LHFPL6: variants seen among roughly 807,000 people sequenced by gnomAD.
LHFPL6 encodes the protein LHFPL tetraspan subfamily member 6.
In LHFPL6, 9 loss-of-function variants were observed where a neutral mutation model predicts 20.6. That is an observed-to-expected ratio of 0.44 (90% CI 0.26 to 0.76). LHFPL6 has a LOEUF of 0.76. Ranked by LOEUF, LHFPL6 falls within the 30% of genes least tolerant of loss-of-function variation. The pLI, the probability that LHFPL6 is intolerant of heterozygous loss-of-function variation, is 0.20. For missense variants in LHFPL6, 218 were observed against 253.5 expected (o/e 0.86, Z 0.95); for synonymous variants, 105 against 98.7 (o/e 1.06, Z -0.38).
At position 39,357,970 on chromosome 13, in the gene LHFPL6, C is replaced by A. The variant is rs370323564; in HGVS notation, c.485-13916G>T. Among the ~76,000 whole-genome samples the A allele has an allele frequency of 1.2e-4, 19 of 152,246 alleles. No homozygotes were observed. The South Asian group carries it at 1.9e-3, about 15-fold the overall frequency. ...CATGCTGCTCAAAGCAATCTACCAA[C>A]TTTGTAGGTTGGTAGATACTGCTCA... On this transcript the variant is annotated intron_variant, in intron 3 of 3. Transcript: ENST00000379589.
chr13:39,348,692 T>C (rs1245132315), intron 3 of LHFPL6, among the ~76,000 whole-genome samples: 1 of 152,152 alleles, frequency 6.6e-6, no homozygotes, highest in Non-Finnish European at 1.5e-5. Flanking sequence ...TGTCAAGGGA[T>C]CTGTAAGTTT....
At chr13:39,347,464 T>A (rs1346086920) in intron 3 of LHFPL6, among the ~76,000 whole-genome samples, 1 of 152,230 alleles carries the variant, frequency 6.6e-6, no homozygotes, top group African/African-American at 2.4e-5. Flanking sequence ...GTGTCCTGTT[T>A]TGGCACTGAA....
At chr13:39,592,669 A>G (rs1204389639) in intron 2 of LHFPL6, among the ~76,000 whole-genome samples, 4 of 152,210 alleles carry the variant, frequency 2.6e-5, no homozygotes, top group African/African-American at 9.7e-5. Context: ...GACACGACAA[A>G]AAAAGAGAAT....
chr13:39,447,991 A>G (rs1872337537), intron 2 of LHFPL6, among the ~76,000 whole-genome samples: 2 of 152,044 alleles, frequency 1.3e-5, no homozygotes, highest in Admixed American at 6.6e-5. Context: ...TATTTGTGCT[A>G]CCCTCTTCCC....
intron 2 of LHFPL6, among the ~76,000 whole-genome samples, chr13:39,492,608 T>C (rs1003465069): frequency 3.9e-5 from 6 of 152,180 alleles, no homozygotes; most frequent in Admixed American, 3.3e-4. Flanking sequence ...ACATATTTTT[T>C]CCAAAAAAAG....
intron 2 of LHFPL6, among the ~76,000 whole-genome samples, chr13:39,484,317 G>A (rs1016926775): frequency 6.6e-6 from 1 of 152,104 alleles, no homozygotes; most frequent in African/African-American, 2.4e-5. Flanking sequence ...TCTATCCACT[G>A]CTCCAGTGAA....
intron 2 of LHFPL6, among the ~76,000 whole-genome samples, chr13:39,467,241 G>C (rs1872826676): frequency 6.6e-6 from 1 of 152,112 alleles, no homozygotes; most frequent in African/African-American, 2.4e-5. Context: ...TCCTGAGTCT[G>C]GGTGCCACGT....
chr13:39,597,934 A>G (rs1872816919), intron 2 of LHFPL6, among the ~76,000 whole-genome samples: 1 of 152,248 alleles, frequency 6.6e-6, no homozygotes, highest in South Asian at 2.1e-4. Flanking sequence ...TACAAACTCT[A>G]GACACAGCAG....
intron 2 of LHFPL6, among the ~76,000 whole-genome samples, chr13:39,490,219 C>T (rs1407848310): frequency 4.6e-5 from 7 of 152,104 alleles, no homozygotes; most frequent in South Asian, 2.1e-4. Flanking sequence ...CACGGAATTC[C>T]GAAACACAAG....
At chr13:39,584,727 G>T (rs987389269) in intron 2 of LHFPL6, among the ~76,000 whole-genome samples, 2 of 151,592 alleles carry the variant, frequency 1.3e-5, no homozygotes, top group Non-Finnish European at 2.9e-5. Flanking sequence ...CTTTAGATTG[G>T]GTAATGCAAA....
At chr13:39,476,770 T>C (rs1395987786) in intron 2 of LHFPL6, among the ~76,000 whole-genome samples, 1 of 152,168 alleles carries the variant, frequency 6.6e-6, no homozygotes, top group Admixed American at 6.5e-5. Flanking sequence ...ATGTACTCAA[T>C]AATCTAAAAC....
chr13:39,487,408 A>T (rs1453911658), intron 2 of LHFPL6, among the ~76,000 whole-genome samples: 1 of 152,176 alleles, frequency 6.6e-6, no homozygotes, highest in East Asian at 1.9e-4. Context: ...ACATCAAGGG[A>T]TTCCTAAGTG....
At chr13:39,410,806 C>T (rs894744175) in intron 2 of LHFPL6, among the ~76,000 whole-genome samples, 1 of 152,148 alleles carries the variant, frequency 6.6e-6, no homozygotes, top group Non-Finnish European at 1.5e-5. Context: ...GTTAACATTT[C>T]ACTACTTCCT....
chr13:39,590,460 T>A (rs551882521), intron 2 of LHFPL6, among the ~76,000 whole-genome samples: 1 of 152,258 alleles, frequency 6.6e-6, no homozygotes, highest in African/African-American at 2.4e-5. Context: ...CAGGAATTAA[T>A]GTTCCTCAGA....
At chr13:39,401,472 T>C (rs1307262378) in intron 2 of LHFPL6, among the ~76,000 whole-genome samples, 2 of 152,144 alleles carry the variant, frequency 1.3e-5, no homozygotes, top group African/African-American at 4.8e-5. Flanking sequence ...CAATAAGGTG[T>C]GGAGAGGGAG....
chr13:39,370,575 CCAGT>C (rs1236555724), intron 3 of LHFPL6, among the ~76,000 whole-genome samples: 8 of 152,204 alleles, frequency 5.3e-5, no homozygotes, highest in Non-Finnish European at 1.2e-4. Flanking sequence ...TAAGCAATGA[CCAGT>C]GCATCAAGTG....
chr13:39,405,112 G>A (rs1422032980), intron 2 of LHFPL6, among the ~76,000 whole-genome samples: 1 of 152,162 alleles, frequency 6.6e-6, no homozygotes, highest in Admixed American at 6.5e-5. Context: ...CAATAAAATT[G>A]AGTGTGAGGT....
intron 2 of LHFPL6, among the ~76,000 whole-genome samples, chr13:39,421,928 A>G (rs1334506807): frequency 6.6e-6 from 1 of 152,228 alleles, no homozygotes; most frequent in African/African-American, 2.4e-5. Flanking sequence ...ATGGTCAGGT[A>G]GACTAGTTGT....
intron 2 of LHFPL6, among the ~76,000 whole-genome samples, chr13:39,438,507 A>G (rs1872024948): frequency 6.6e-6 from 1 of 152,262 alleles, no homozygotes; most frequent in Non-Finnish European, 1.5e-5. Context: ...AGAAATTTGC[A>G]TAAGTAAAGA....
Sources: allele counts gnomAD v4.1 joint callset (sites outside exome capture counted in the v4.1 genomes callset), GRCh38; gene constraint gnomAD v4.1.1; transcripts MANE v1.5; gene names NCBI Gene and HGNC (gene_info 2026-07-23, HGNC 2026-07-21).